CYP39A1: variants seen among roughly 807,000 people sequenced by gnomAD.
The protein encoded by CYP39A1 is cytochrome P450 family 39 subfamily A member 1.
A neutral mutation model predicts 58.1 loss-of-function variants in CYP39A1; 49 were observed. That is an observed-to-expected ratio of 0.84 (90% CI 0.67 to 1.07). The LOEUF is 1.07. CYP39A1 is among the 50% of genes least tolerant of loss of function. CYP39A1 has a pLI of 0.00. For missense variants in CYP39A1, 531 were observed against 539.4 expected (o/e 0.98, Z 0.16); for synonymous variants, 209 against 187.6 (o/e 1.11, Z -0.93).
intron 10 of CYP39A1, among the ~76,000 whole-genome samples, chr6:46,582,889 G>A (rs187670701): frequency 3.6e-3 from 553 of 152,068 alleles, no homozygotes; most frequent in South Asian, 0.013. Flanking sequence ...CACACACTCA[G>A]TAAATAGTTA....
At chr6:46,554,159 G>A (rs1770551181) in intron 10 of CYP39A1, among the ~76,000 whole-genome samples, 1 of 152,278 alleles carries the variant, frequency 6.6e-6, no homozygotes, top group South Asian at 2.1e-4. Context: ...ATAGCCATTA[G>A]ATACAAGTGG....
At chr6:46,620,104 G>GA (rs1375854394) in intron 7 of CYP39A1, among the ~76,000 whole-genome samples, 3 of 152,004 alleles carry the variant, frequency 2.0e-5, no homozygotes, top group African/African-American at 4.8e-5. Flanking sequence ...GTCTATTCAA[G>GA]AAAAAAACAG....
intron 1 of CYP39A1, among the ~76,000 whole-genome samples, chr6:46,646,204 T>G (rs12214916): frequency 6.6e-6 from 1 of 152,050 alleles, no homozygotes; most frequent in Non-Finnish European, 1.5e-5. Flanking sequence ...CCCAATCACA[T>G]GGGGGAAGTA....
intron 5 of CYP39A1, among the ~76,000 whole-genome samples, chr6:46,631,482 T>G (rs1775657419): frequency 6.6e-6 from 1 of 152,220 alleles, no homozygotes; most frequent in Admixed American, 6.5e-5. Flanking sequence ...GCACTTTGGA[T>G]CTCTACTTTA....
At chr6:46,557,846 G>T (rs1235498287) in intron 10 of CYP39A1, among the ~76,000 whole-genome samples, 4 of 139,230 alleles carry the variant, frequency 2.9e-5, no homozygotes, top group African/African-American at 1.1e-4. Context: ...CTGAGGCAGA[G>T]AATTGCTTGA....
chr6:46,559,583 C>A (rs542676941), intron 10 of CYP39A1, among the ~76,000 whole-genome samples: 1 of 152,248 alleles, frequency 6.6e-6, no homozygotes, highest in East Asian at 1.9e-4. Flanking sequence ...GATATAATGG[C>A]AGGAAGCATG....
chr6:46,576,273 G>A (rs1213858662), intron 10 of CYP39A1, among the ~76,000 whole-genome samples: 3 of 152,186 alleles, frequency 2.0e-5, no homozygotes, highest in East Asian at 1.9e-4. Context: ...CCTCCAAAAC[G>A]AAGGATTCCA....
chr6:46,634,291 G>A (rs1298764294), intron 5 of CYP39A1, among the ~76,000 whole-genome samples: 1 of 151,998 alleles, frequency 6.6e-6, no homozygotes, highest in African/African-American at 2.4e-5. Context: ...GATCCTCCTT[G>A]CCTTCCACCA....
intron 7 of CYP39A1, among the ~76,000 whole-genome samples, chr6:46,602,575 G>A (rs184063556): frequency 1.2e-3 from 186 of 151,694 alleles, no homozygotes; most frequent in Non-Finnish European, 1.8e-3. Flanking sequence ...CACTTTGGGA[G>A]GCCGAGGTGG....
intron 4 of CYP39A1, 39 bp from the exon 5 acceptor site, chr6:46,636,521 G>T (rs757129916): frequency 7.4e-7 from 1 of 1,347,234 alleles, no homozygotes; most frequent in South Asian, 1.3e-5. Context: ...TAATTGGAAA[G>T]CACTTTAGGA....
intron 10 of CYP39A1, among the ~76,000 whole-genome samples, chr6:46,583,889 A>G (rs545253869): frequency 4.6e-5 from 7 of 152,146 alleles, no homozygotes; most frequent in Non-Finnish European, 8.8e-5. Context: ...CAAGGCCATA[A>G]GAGTGTGTGT....
intron 1 of CYP39A1, among the ~76,000 whole-genome samples, chr6:46,646,600 T>C (rs953166281): frequency 6.6e-6 from 1 of 152,122 alleles, no homozygotes; most frequent in African/African-American, 2.4e-5. Flanking sequence ...AAATGTTCCT[T>C]TGTCTTCTAC....
At chr6:46,622,185 A>G (rs1774995517) in intron 7 of CYP39A1, among the ~76,000 whole-genome samples, 2 of 152,122 alleles carry the variant, frequency 1.3e-5, no homozygotes, top group Non-Finnish European at 2.9e-5. Context: ...AGGAAACAGA[A>G]AGTGACTCCT....
chr6:46,575,459 C>A (rs952578805), intron 10 of CYP39A1, among the ~76,000 whole-genome samples: 1 of 152,196 alleles, frequency 6.6e-6, no homozygotes, highest in Non-Finnish European at 1.5e-5. Flanking sequence ...ATTGCCCAGC[C>A]AAAGTGCTTG....
rs181801150 is a variant in CYP39A1, at chr6:46,588,131, T to G, written c.1066-2A>C. ...GTCACCAGAAGGAATGATGTAATTC[T>G]ATAACAGAAAAATCAGCTGCAAATC... On this transcript the variant is annotated splice_acceptor_variant, in intron 8 of 11. Transcript: ENST00000275016. LOFTEE classifies it high-confidence loss of function. 6 of 1,560,686 alleles carry G rather than the reference T, an allele frequency of 3.8e-6. No individual in the cohort carries two copies. Among genetic ancestry groups the G allele is most frequent in the Non-Finnish European group, 4.3e-6 (5 of 1,150,600 alleles).
At position 46,636,498 on chromosome 6, in the gene CYP39A1, T is replaced by A. The variant is rs534369919; in HGVS notation, c.639-16A>T. 3.3e-6 allele frequency: 5 copies of A among 1,528,972 alleles called. No homozygotes were observed. Among genetic ancestry groups the A allele is most frequent in the African/African-American group, 1.4e-5 (1 of 72,214 alleles). The allele number at this position is 1,528,972 out of a possible 1,614,324, so 94.7% of individuals were successfully genotyped here. A position where few individuals can be genotyped will look rare whatever the true frequency, so the allele number is the denominator to read the frequency against. ...TGACCAGTTTCTACATGAGAAAAAA[T>A]ATATATAGAAATTAATTGGAAAGCA... On this transcript the variant is annotated splice_polypyrimidine_tract_variant and intron_variant, in intron 4 of 11. Coordinates refer to ENST00000275016, the MANE Select transcript of CYP39A1 (RefSeq NM_016593.5).
intron 6 of CYP39A1, among the ~76,000 whole-genome samples, chr6:46,627,138 A>T (rs1438360914): frequency 6.6e-6 from 1 of 152,058 alleles, no homozygotes; most frequent in Non-Finnish European, 1.5e-5. Context: ...ATGAGAACTC[A>T]CTCACTATCA....
At chr6:46,568,120 T>C (rs1458190775) in intron 10 of CYP39A1, among the ~76,000 whole-genome samples, 1 of 152,168 alleles carries the variant, frequency 6.6e-6, no homozygotes, top group Non-Finnish European at 1.5e-5. Context: ...AGGTGGTATT[T>C]CAATGGAGTT....
intron 6 of CYP39A1, among the ~76,000 whole-genome samples, chr6:46,630,372 C>T (rs922339159): frequency 2.0e-5 from 3 of 152,218 alleles, no homozygotes; most frequent in East Asian, 3.9e-4. Flanking sequence ...ATGAGAATTA[C>T]CATTTATTGA....
Sources: gnomAD v4.1 joint callset for allele counts (sites outside exome capture counted in the v4.1 genomes callset) on GRCh38, gnomAD v4.1.1 for gene constraint, MANE v1.5 for transcripts, NCBI Gene and HGNC (gene_info 2026-07-23, HGNC 2026-07-21) for gene names.